PRUNE2: variants seen among roughly 807,000 people sequenced by gnomAD.
PRUNE2 encodes the protein protein prune homolog 2.
A neutral mutation model predicts 252.0 loss-of-function variants in PRUNE2; 164 were observed. The observed-to-expected ratio is 0.65, with a 90% CI of 0.57 to 0.74. The LOEUF is 0.74. Ranked by LOEUF, PRUNE2 falls within the 30% of genes least tolerant of loss-of-function variation. The pLI is 0.00. For synonymous variants in PRUNE2, 1,292 were observed against 1,350.2 expected, an observed-to-expected ratio of 0.96 and a Z score of 0.94; for missense variants, 3,495 against 3,711.0, an observed-to-expected ratio of 0.94 and a Z score of 1.51.
At chr9:76,883,866 G>A (rs1325623310) in intron 1 of PRUNE2, among the ~76,000 whole-genome samples, 2 of 152,180 alleles carry the variant, frequency 1.3e-5, no homozygotes, top group African/African-American at 4.8e-5. Context: ...CTTGCCTTGT[G>A]ACTTGCTTTG....
intron 6 of PRUNE2, among the ~76,000 whole-genome samples, chr9:76,792,496 C>T (rs2055653488): frequency 6.6e-6 from 1 of 152,210 alleles, no homozygotes; most frequent in Non-Finnish European, 1.5e-5. Context: ...AATGAGAGGG[C>T]TGCAGGATGC....
In PRUNE2 at chr9:76,703,697, C is replaced by T; in HGVS notation, c.7916G>A (p.Ser2639Asn). Residue 2639 changes from serine (S) to asparagine (N), a missense_variant, in exon 9 of 19, where the codon AGT becomes AAT. Physicochemically the swap from Ser to Asn is conservative, Grantham distance 46. Coordinates refer to ENST00000376718, the MANE Select transcript of PRUNE2 (RefSeq NM_015225.3). The part of the protein sequence containing the change: ...QDQSWMFLGH[S>N]EVGDPSLDAR... ...ATCCAGTGATGGATCACCAACCTCA[C>T]TATGGCCCAAGAACATCCAACTCTG... 1 of 1,613,412 alleles carries T rather than the reference C, an allele frequency of 6.2e-7. No homozygotes were observed. The highest frequency in any genetic ancestry group is 8.5e-7 in the Non-Finnish European group (1 of 1,179,844).
At chr9:76,746,933 T>C (rs2050178603) in intron 6 of PRUNE2, among the ~76,000 whole-genome samples, 1 of 152,148 alleles carries the variant, frequency 6.6e-6, no homozygotes, top group Middle Eastern at 3.2e-3. Flanking sequence ...ATGTAAGTGT[T>C]TCAGTTCTAC....
At chr9:76,787,947 C>G (rs903580229) in intron 6 of PRUNE2, among the ~76,000 whole-genome samples, 3 of 152,210 alleles carry the variant, frequency 2.0e-5, no homozygotes, top group African/African-American at 7.2e-5. Flanking sequence ...GGTCACCAAG[C>G]GTTCCTTCCC....
intron 6 of PRUNE2, among the ~76,000 whole-genome samples, chr9:76,718,819 C>G (rs753957782): frequency 6.6e-6 from 1 of 152,082 alleles, no homozygotes; most frequent in Non-Finnish European, 1.5e-5. Context: ...TATGGCCCAC[C>G]GCCTCCTCAG....
chr9:76,896,563 T>C (rs1480457148), intron 1 of PRUNE2, among the ~76,000 whole-genome samples: 1 of 152,212 alleles, frequency 6.6e-6, no homozygotes, highest in Non-Finnish European at 1.5e-5. Flanking sequence ...CTTTCATCGC[T>C]TTCTTTTCTC....
chr9:76,808,436 T>C (rs2057130996), intron 6 of PRUNE2: 2 of 152,228 alleles, frequency 1.3e-5, no homozygotes, highest in Admixed American at 1.3e-4. Flanking sequence ...TCCCATCTCT[T>C]TTGCCCAATC....
At chr9:76,742,055 A>C (rs925068699) in intron 6 of PRUNE2, among the ~76,000 whole-genome samples, 1 of 152,246 alleles carries the variant, frequency 6.6e-6, no homozygotes, top group Admixed American at 6.5e-5. Context: ...TCTAAACGTA[A>C]AAATGTTAAA....
chr9:76,876,603 G>A (rs1053708748), intron 1 of PRUNE2, among the ~76,000 whole-genome samples: 2 of 151,678 alleles, frequency 1.3e-5, no homozygotes, highest in African/African-American at 4.8e-5. Context: ...GGCGTTTTTG[G>A]GTGGGAATGA....
intron 1 of PRUNE2, among the ~76,000 whole-genome samples, chr9:76,865,397 T>A (rs2060778968): frequency 6.6e-6 from 1 of 152,198 alleles, no homozygotes; most frequent in Admixed American, 6.5e-5. Flanking sequence ...TAATACACAG[T>A]AGAATTCAGA....
chr9:76,615,773 T>TGTTTG (rs929566444), intron 18 of PRUNE2, among the ~76,000 whole-genome samples: 9 of 136,598 alleles, frequency 6.6e-5, no homozygotes, highest in African/African-American at 2.2e-4. Flanking sequence ...TGTGTGGTTT[T>TGTTTG]TTTTTTTTTT....
At chr9:76,764,911 C>T (rs991215402) in intron 6 of PRUNE2, among the ~76,000 whole-genome samples, 1 of 152,098 alleles carries the variant, frequency 6.6e-6, no homozygotes, top group African/African-American at 2.4e-5. Flanking sequence ...CAGACTCTGG[C>T]ACATAGAAGA....
At chr9:76,837,145 A>T (rs750669279) in intron 4 of PRUNE2, among the ~76,000 whole-genome samples, 71 of 86,146 alleles carry the variant, frequency 8.2e-4, no homozygotes, top group African/African-American at 1.1e-3. Flanking sequence ...AAAGCTGATT[A>T]AAAAAATGAA....
At chr9:76,794,585 A>C (rs1169257898) in intron 6 of PRUNE2, among the ~76,000 whole-genome samples, 2 of 149,694 alleles carry the variant, frequency 1.3e-5, no homozygotes, top group African/African-American at 2.5e-5. Context: ...ACTGCACTCC[A>C]GCCTGGCGAC....
chr9:76,899,860 G>A (rs1038200535), intron 1 of PRUNE2, among the ~76,000 whole-genome samples: 7 of 152,186 alleles, frequency 4.6e-5, no homozygotes, highest in Non-Finnish European at 8.8e-5. Flanking sequence ...TTTAAGCCAA[G>A]GAGAGCTGGA....
At chr9:76,649,015 C>G (rs1176540351) in intron 11 of PRUNE2, among the ~76,000 whole-genome samples, 1 of 152,180 alleles carries the variant, frequency 6.6e-6, no homozygotes, top group African/African-American at 2.4e-5. Context: ...TGTAACAACC[C>G]AACCACTTGG....
At chr9:76,852,914 G>T (rs767196674) in intron 2 of PRUNE2, among the ~76,000 whole-genome samples, 17 of 151,942 alleles carry the variant, frequency 1.1e-4, no homozygotes, top group Admixed American at 4.6e-4. Context: ...CATTGTTGTA[G>T]GTGGTAGTGG....
intron 1 of PRUNE2, among the ~76,000 whole-genome samples, chr9:76,858,928 C>T (rs2060408496): frequency 6.6e-6 from 1 of 152,140 alleles, no homozygotes; most frequent in Non-Finnish European, 1.5e-5. Context: ...CTAATGTATA[C>T]ATTTTCCAAA....
chr9:76,635,259 A>G (rs1839522780), intron 15 of PRUNE2, among the ~76,000 whole-genome samples: 3 of 152,164 alleles, frequency 2.0e-5, no homozygotes. Flanking sequence ...GGTGTGAGCC[A>G]CCCCGCTTGG....
Sources: gnomAD v4.1 joint callset for allele counts (sites outside exome capture counted in the v4.1 genomes callset) on GRCh38, gnomAD v4.1.1 for gene constraint, MANE v1.5 for transcripts, NCBI Gene and HGNC (gene_info 2026-07-23, HGNC 2026-07-21) for gene names.